Variants in MYO18B observed in about 807,000 individuals in gnomAD.
MYO18B encodes the protein myosin XVIIIB.
Under a neutral mutation model 273.0 loss-of-function variants are expected in MYO18B, and 204 were observed. The observed-to-expected ratio is 0.75, with a 90% confidence interval of 0.67 to 0.84. The LOEUF (loss-of-function observed/expected upper bound fraction) is 0.84. Ranked by LOEUF, MYO18B falls within the 40% of genes least tolerant of loss-of-function variation. MYO18B has a pLI of 0.00. For missense variants in MYO18B, 3,212 were observed against 3,287.6 expected (o/e 0.98, Z 0.56); for synonymous variants, 1,330 against 1,305.7 (o/e 1.02, Z -0.40).
chr22:26,006,111 G>A (rs769092170), intron 42 of MYO18B, among the ~76,000 whole-genome samples: 1 of 152,138 alleles, frequency 6.6e-6, no homozygotes, highest in Non-Finnish European at 1.5e-5. Flanking sequence ...CAGGAGAATT[G>A]GAGGCAGCCA....
At chr22:25,767,775 G>T (rs2086560411) in intron 3 of MYO18B, among the ~76,000 whole-genome samples, 1 of 152,184 alleles carries the variant, frequency 6.6e-6, no homozygotes. Flanking sequence ...TGCAAGGTAG[G>T]CTTTTATCAT....
chr22:25,932,401 TCTTTTCTTTC>T (rs748824676), intron 34 of MYO18B, among the ~76,000 whole-genome samples: 9 of 83,726 alleles, frequency 1.1e-4, no homozygotes, highest in African/African-American at 1.5e-4. Context: ...TTTTCTTTTT[TCTTTTCTTTC>T]TTTTTTTTTT....
At position 26,023,099 on chromosome 22, in the gene MYO18B, C is replaced by G. The variant is rs140883296; in HGVS notation, c.6471-3346C>G. ...TCCCCTCTCTCCTTCTTGCGTTTGC[C>G]TAAGTCTCCTTCCTTCTTCTCCATC... On this transcript the variant is annotated intron_variant, in intron 42 of 43. Transcript: ENST00000335473. Among the ~76,000 whole-genome samples the G allele has an allele frequency of 6.4e-4, 98 of 152,356 alleles. No homozygotes were observed. The East Asian group carries it at 0.019, about 29-fold the overall frequency.
intron 39 of MYO18B, among the ~76,000 whole-genome samples, chr22:25,969,896 C>A (rs182247746): frequency 6.6e-6 from 1 of 152,194 alleles, no homozygotes; most frequent in African/African-American, 2.4e-5. Context: ...CAGTGCCTGG[C>A]ACAAAGTAAG....
chr22:25,881,210 T>A (rs2091323829), intron 25 of MYO18B, among the ~76,000 whole-genome samples: 1 of 152,242 alleles, frequency 6.6e-6, no homozygotes, highest in Admixed American at 6.5e-5. Context: ...CCTGTAAGAT[T>A]GTGTCCATTC....
intron 34 of MYO18B, among the ~76,000 whole-genome samples, chr22:25,921,888 G>A (rs1320124117): frequency 6.6e-6 from 1 of 150,720 alleles, no homozygotes; most frequent in Non-Finnish European, 1.5e-5. Flanking sequence ...GAGCCAAATA[G>A]CAATAGTGCA....
Position 25,947,742 on chromosome 22 carries a change from G to A in MYO18B, c.5662G>A (p.Glu1888Lys). 1 of 1,613,734 alleles carries A rather than the reference G, an allele frequency of 6.2e-7. No homozygotes were observed. Among genetic ancestry groups the A allele is most frequent in the Non-Finnish European group, 8.5e-7 (1 of 1,179,878 alleles). Residue 1888 changes from glutamate (E) to lysine (K), a missense_variant, in exon 36 of 44, where the codon GAG becomes AAG. Physicochemically the swap from Glu to Lys is moderately conservative, Grantham distance 56. Coordinates refer to ENST00000335473, the MANE Select transcript of MYO18B (RefSeq NM_032608.7). ...TGAGCAGCTGTACAGGCTGCAGTTT[G>A]AGAAGGCGGACCTCCTGAAGCGCAT... ...VDEQLYRLQF[E>K]KADLLKRIDE...
At chr22:26,025,556 C>T (rs1238556410) in intron 42 of MYO18B, among the ~76,000 whole-genome samples, 3 of 152,178 alleles carry the variant, frequency 2.0e-5, no homozygotes, top group Non-Finnish European at 2.9e-5. Context: ...GTGGCTTTAT[C>T]TGCAGTGCCA....
At chr22:25,867,594 A>G (rs1238144687) in intron 21 of MYO18B, among the ~76,000 whole-genome samples, 1 of 151,752 alleles carries the variant, frequency 6.6e-6, no homozygotes, top group African/African-American at 2.4e-5. Context: ...GAACACAAAT[A>G]TATAAATATC....
At chr22:25,775,877 A>G (rs2086894802) in intron 7 of MYO18B, among the ~76,000 whole-genome samples, 1 of 135,130 alleles carries the variant, frequency 7.4e-6, no homozygotes, top group Admixed American at 7.3e-5. Flanking sequence ...TCCACCAAGC[A>G]GGGACTTAAA....
chr22:25,841,501 G>A (rs932845117), intron 17 of MYO18B, among the ~76,000 whole-genome samples: 1 of 152,136 alleles, frequency 6.6e-6, no homozygotes, highest in Middle Eastern at 3.2e-3. Context: ...CTGGACAGAG[G>A]CAGGCTTTTG....
chr22:25,806,916 T>C lies in MYO18B; in HGVS notation c.2521+8819T>C, dbSNP rs191156576. ...TCATCTCGTTGGACCTCAGTTTTCT[T>C]GTCTGATAATAACTCCACCTACCTT... is the stretch of plus-strand genomic sequence containing the variant. On this transcript the variant is annotated intron_variant, in intron 12 of 43. Transcript: ENST00000335473. Among the ~76,000 whole-genome samples, 560 of 152,344 alleles carry C rather than the reference T, an allele frequency of 3.7e-3. 2 individuals are homozygous for C. Among genetic ancestry groups the C allele is most frequent in the Non-Finnish European group, 5.4e-3 (368 of 68,026 alleles).
chr22:25,883,818 C>T lies in MYO18B; in HGVS notation c.4314+5770C>T, dbSNP rs1022796783. 6.6e-6 allele frequency: 1 copy of T among 152,212 alleles called. No homozygotes were observed. The highest frequency in any genetic ancestry group is 1.9e-4 in the East Asian group (1 of 5,202). 9.4% of individuals were successfully genotyped at this position (152,212 alleles called of 1,614,324 possible). A position where few individuals can be genotyped will look rare whatever the true frequency, so the allele number is the denominator to read the frequency against. Reference sequence around the variant, plus strand: ...TCACTATTGCAAAATGATTTAAGTGCTTCATTTGTGAAGGAGCAGAAGAGG... The same window carrying T: ...TCACTATTGCAAAATGATTTAAGTGTTTCATTTGTGAAGGAGCAGAAGAGG... On this transcript the variant is annotated intron_variant, in intron 25 of 43. Coordinates refer to ENST00000335473, the MANE Select transcript of MYO18B (RefSeq NM_032608.7). The surrounding 1 kb of genome is among the most constrained non-coding windows in gnomAD (Gnocchi z 7.6).
chr22:25,815,493 G>A (rs2088961901), intron 12 of MYO18B, among the ~76,000 whole-genome samples: 1 of 152,222 alleles, frequency 6.6e-6, no homozygotes, highest in Non-Finnish European at 1.5e-5. Flanking sequence ...AAAACAACCA[G>A]ATGGGAGAGG....
At chr22:25,943,967 C>T (rs1387475374) in intron 34 of MYO18B, among the ~76,000 whole-genome samples, 2 of 152,060 alleles carry the variant, frequency 1.3e-5, no homozygotes, top group African/African-American at 4.8e-5. Context: ...GGTGATCTGC[C>T]CGTCTCAACC....
chr22:26,053,527 T>C, the MYO18B span, among the ~76,000 whole-genome samples: 19 of 152,218 alleles, frequency 1.2e-4, no homozygotes, highest in Non-Finnish European at 2.1e-4. Flanking sequence ...GTAATCTATA[T>C]TAATGCAAGG....
intron 39 of MYO18B, among the ~76,000 whole-genome samples, chr22:25,958,641 T>G (rs570608277): frequency 1.3e-5 from 2 of 152,140 alleles, no homozygotes; most frequent in East Asian, 1.9e-4. Flanking sequence ...GTCCTTGCTG[T>G]GTAGAAGTTA....
At position 25,876,538 on chromosome 22, in the gene MYO18B, T is replaced by C. The variant is rs529891539; in HGVS notation, c.4224+206T>C. Among the ~76,000 whole-genome samples the C allele has an allele frequency of 2.0e-5, 3 of 152,326 alleles. No individual in the cohort carries two copies. The East Asian group carries it at 5.8e-4, about 29-fold the overall frequency. On this transcript the variant is annotated intron_variant, in intron 24 of 43. Coordinates refer to ENST00000335473, the MANE Select transcript of MYO18B (RefSeq NM_032608.7). ...TCCCATGCCCAGCTCCTCTCTAGGC[T>C]GTGGGTGTTTAGAGATGCTATTACC...
chr22:25,769,180 G>T lies in MYO18B; in HGVS notation c.1264G>T (p.Val422Leu). 1.2e-6 allele frequency: 2 copies of T among 1,611,882 alleles called. No homozygotes were observed. The highest frequency in any genetic ancestry group is 1.7e-6 in the Non-Finnish European group (2 of 1,179,114). ...TEKGCEAPKE[V>L]STMVESPAAP... Reference sequence around the variant, plus strand: ...GAAGGGCTGTGAAGCCCCAAAGGAGGTGAGCACAATGGTGGAGTCGCCAGC... The same window carrying T: ...GAAGGGCTGTGAAGCCCCAAAGGAGTTGAGCACAATGGTGGAGTCGCCAGC... The change falls in exon 4 of 44, where the codon GTG becomes TTG. Residue 422 changes from valine to leucine, a missense_variant. By Grantham distance (32) the Val-to-Leu change is conservative. Coordinates refer to ENST00000335473, the MANE Select transcript of MYO18B (RefSeq NM_032608.7).
Sources: allele counts gnomAD v4.1 joint callset (sites outside exome capture counted in the v4.1 genomes callset), GRCh38; gene constraint gnomAD v4.1.1; non-coding constraint Gnocchi (gnomAD v3.1); transcripts MANE v1.5; gene names NCBI Gene and HGNC (gene_info 2026-07-23, HGNC 2026-07-21).